The following JPH3 variants were observed in gnomAD, a reference collection of about 807,000 sequenced individuals.
The protein encoded by JPH3 is junctophilin-3.
Under a neutral mutation model 59.6 loss-of-function variants are expected in JPH3, and 11 were observed. That is an observed-to-expected ratio of 0.18 (90% CI 0.12 to 0.31). JPH3 has a LOEUF of 0.31. Ranked by LOEUF, JPH3 falls within the 10% of genes least tolerant of loss-of-function variation. The pLI is 1.00. For synonymous variants in JPH3, 673 were observed against 483.6 expected, an observed-to-expected ratio of 1.39 and a Z score of -5.14; for missense variants, 1,202 against 1,105.7, an observed-to-expected ratio of 1.09 and a Z score of -1.24.
At chr16:87,666,761 G>A (rs1188701576) in intron 2 of JPH3, among the ~76,000 whole-genome samples, 1 of 152,154 alleles carries the variant, frequency 6.6e-6, no homozygotes, top group African/African-American at 2.4e-5. Context: ...TAATATAAGA[G>A]AACCCCTAAT....
intron 1 of JPH3, among the ~76,000 whole-genome samples, chr16:87,607,531 C>G (rs1326115540): frequency 2.0e-5 from 3 of 152,274 alleles, no homozygotes. Context: ...CCCTTGCGGC[C>G]TTGCTTGCTC....
intron 1 of JPH3, among the ~76,000 whole-genome samples, chr16:87,609,891 G>A (rs1281283543): frequency 6.6e-6 from 1 of 152,142 alleles, no homozygotes. Flanking sequence ...TATTTATTGT[G>A]TGCTTTATTT....
intron 1 of JPH3, among the ~76,000 whole-genome samples, chr16:87,622,520 C>A (rs1247581733): frequency 7.4e-6 from 1 of 134,712 alleles, no homozygotes; most frequent in Non-Finnish European, 1.7e-5. Flanking sequence ...GCAGCTGTGG[C>A]AGGGCCGGGA....
chr16:87,662,185 G>C (rs892185490), intron 2 of JPH3, among the ~76,000 whole-genome samples: 6 of 152,188 alleles, frequency 3.9e-5, no homozygotes, highest in Admixed American at 6.5e-5. Context: ...CGGTCCCAGA[G>C]CCTGGGCTCT....
intron 2 of JPH3, among the ~76,000 whole-genome samples, chr16:87,659,331 C>G (rs2032618063): frequency 1.5e-5 from 2 of 132,690 alleles, no homozygotes; most frequent in African/African-American, 2.9e-5. Flanking sequence ...GAGCCAAGAT[C>G]AAGCCACTGC....
chr16:87,644,901 C>A lies in JPH3; in HGVS notation c.1026C>A (p.Ile342=). 6.2e-7 allele frequency: 1 copy of A among 1,613,162 alleles called. No individual in the cohort carries two copies. The highest frequency in any genetic ancestry group is 8.5e-7 in the Non-Finnish European group (1 of 1,179,928). Residue 342 remains isoleucine (I), a synonymous_variant, in exon 2 of 5, where the codon ATC becomes ATA. Coordinates refer to ENST00000284262, the MANE Select transcript of JPH3 (RefSeq NM_020655.4). ...AGGAGGGCAAGTACAAGCAGAACATCCTCGTCGGCGGCAAGCGCAAGAACC... is the reference window on the plus strand; with the variant it reads ...AGGAGGGCAAGTACAAGCAGAACATACTCGTCGGCGGCAAGCGCAAGAACC... ...TKEEGKYKQN[I]LVGGKRKNLI... is the part of the protein sequence containing the mutation.
At chr16:87,692,802 C>T (rs1010284368) in intron 4 of JPH3, among the ~76,000 whole-genome samples, 10 of 152,204 alleles carry the variant, frequency 6.6e-5, no homozygotes, top group East Asian at 1.9e-4. Flanking sequence ...GAGACAGAAG[C>T]TTCCCTCCTG....
chr16:87,660,467 G>T (rs184516666), intron 2 of JPH3, among the ~76,000 whole-genome samples: 1 of 152,110 alleles, frequency 6.6e-6, no homozygotes, highest in African/African-American at 2.4e-5. Context: ...ATTCGGTTCC[G>T]TGCTCCCCTT....
chr16:87,684,079 C>T, intron 2 of JPH3, 63 bp from the exon 3 acceptor site: 1 of 1,326,392 alleles, frequency 7.5e-7, no homozygotes. Context: ...CAGAGTACCT[C>T]AACCCAGACC....
chr16:87,657,118 G>T (rs2032528639), intron 2 of JPH3, among the ~76,000 whole-genome samples: 2 of 152,164 alleles, frequency 1.3e-5, no homozygotes, highest in African/African-American at 4.8e-5. Context: ...TGGAGCACCT[G>T]GTGTGTTAGG....
intron 1 of JPH3, among the ~76,000 whole-genome samples, chr16:87,637,077 C>T (rs944383212): frequency 6.6e-6 from 1 of 152,220 alleles, no homozygotes; most frequent in African/African-American, 2.4e-5. Flanking sequence ...GTTCTCAAAG[C>T]CCCTAGGATT....
chr16:87,696,541 C>T (rs765988468), intron 4 of JPH3, 39 bp from the exon 5 acceptor site: 27 of 1,569,986 alleles, frequency 1.7e-5, no homozygotes, highest in South Asian at 5.5e-5. Flanking sequence ...CAGAGCCCCC[C>T]GCAGCTGTCG....
intron 2 of JPH3, among the ~76,000 whole-genome samples, chr16:87,667,463 T>C (rs924430886): frequency 1.3e-5 from 2 of 152,196 alleles, no homozygotes; most frequent in African/African-American, 4.8e-5. Flanking sequence ...CCCAGCCCTG[T>C]TCAGAAAGAC....
intron 3 of JPH3, among the ~76,000 whole-genome samples, chr16:87,689,220 T>A (rs1204975353): frequency 6.6e-6 from 1 of 152,162 alleles, no homozygotes; most frequent in Non-Finnish European, 1.5e-5. Flanking sequence ...GGTAGGGGTG[T>A]TGGCGGCCTT....
In JPH3 at chr16:87,656,375, G is replaced by C. The variant is rs552977951; in HGVS notation, c.1160+11340G>C. Among the ~76,000 whole-genome samples the C allele has an allele frequency of 3.4e-4, 52 of 152,370 alleles. 1 individual carries two copies. The highest frequency in any genetic ancestry group is 1.3e-3 in the African/African-American group (52 of 41,596). On this transcript the variant is annotated intron_variant, in intron 2 of 4. Coordinates refer to ENST00000284262, the MANE Select transcript of JPH3 (RefSeq NM_020655.4). The stretch of plus-strand genomic sequence containing the variant: ...CCAGCAAAGGAAGCTCTAAACACCA[G>C]AGTGGCCAGTCCATGGCATTTGTTG...
chr16:87,691,872 G>C (rs919432947), intron 4 of JPH3, among the ~76,000 whole-genome samples: 3 of 152,138 alleles, frequency 2.0e-5, no homozygotes, highest in Non-Finnish European at 4.4e-5. Context: ...GTTATTTTAG[G>C]AACAGCCAAG....
chr16:87,696,520 G>A, intron 4 of JPH3, 60 bp from the exon 5 acceptor site: 1 of 1,418,810 alleles, frequency 7.0e-7, no homozygotes, highest in Non-Finnish European at 9.9e-7. Flanking sequence ...TGGGAGGCGT[G>A]GTGGCCCAGG....
chr16:87,640,716 T>A lies in JPH3; in HGVS notation c.383-3542T>A, dbSNP rs539558236. Among the ~76,000 whole-genome samples the A allele has an allele frequency of 9.2e-5, 14 of 152,322 alleles. 1 individual carries two copies. The South Asian group carries it at 1.4e-3, about 16-fold the overall frequency. Reference sequence around the variant, plus strand: ...CCAACAAACGCTTTTTAAATATAAGTATGTCCCATGCAGCGTGTCCCCTAA... The same window carrying A: ...CCAACAAACGCTTTTTAAATATAAGAATGTCCCATGCAGCGTGTCCCCTAA... On this transcript the variant is annotated intron_variant, in intron 1 of 4. Coordinates refer to ENST00000284262, the MANE Select transcript of JPH3 (RefSeq NM_020655.4).
chr16:87,643,894 C>T (rs529118903), intron 1 of JPH3, among the ~76,000 whole-genome samples: 1 of 152,182 alleles, frequency 6.6e-6, no homozygotes, highest in East Asian at 1.9e-4. Context: ...AATCACAGCA[C>T]TTCTGGAGGC....
Sources: gnomAD v4.1 joint callset for allele counts (sites outside exome capture counted in the v4.1 genomes callset) on GRCh38, gnomAD v4.1.1 for gene constraint, MANE v1.5 for transcripts, NCBI Gene and HGNC (gene_info 2026-07-23, HGNC 2026-07-21) for gene names.